MAP3K20: variants seen among roughly 807,000 people sequenced by gnomAD.
MAP3K20 encodes HCCS-4.
A neutral mutation model predicts 85.7 loss-of-function variants in MAP3K20; 40 were observed. That is an observed-to-expected ratio of 0.47 (90% CI 0.36 to 0.61). MAP3K20 has a LOEUF of 0.61. MAP3K20 is among the 20% of genes least tolerant of loss of function. The pLI, the probability that MAP3K20 is intolerant of heterozygous loss-of-function variation, is 0.00. For missense variants in MAP3K20, 817 were observed against 961.7 expected, an observed-to-expected ratio of 0.85 and a Z score of 1.99; for synonymous variants, 325 against 327.7, an observed-to-expected ratio of 0.99 and a Z score of 0.09.
intron 16 of MAP3K20, among the ~76,000 whole-genome samples, chr2:173,249,785 TAC>T (rs945433300): frequency 6.6e-6 from 1 of 152,188 alleles, no homozygotes; most frequent in Non-Finnish European, 1.5e-5. Context: ...CAATTTCAAA[TAC>T]AGTTAAGGGG....
intron 7 of MAP3K20, among the ~76,000 whole-genome samples, chr2:173,196,973 T>G (rs538232093): frequency 2.0e-5 from 3 of 152,270 alleles, no homozygotes; most frequent in African/African-American, 7.2e-5. Context: ...TTTTTAACTT[T>G]TTAAATAGTT....
Position 173,134,322 on chromosome 2 carries a change from C to G in MAP3K20, c.160-35483C>G, listed in dbSNP as rs10187435. On this transcript the variant is annotated intron_variant, in intron 2 of 19. Transcript: ENST00000375213. ...CAAGCAGTTCTCCAGCTCACCCTCT[C>G]TAGTAGCTAGAACCACAGGCGCATG... 3.1e-3 allele frequency among the ~76,000 whole-genome samples: 425 copies of G among 138,096 alleles called. 6 individuals carry two copies. The highest frequency in any genetic ancestry group is 0.01 in the African/African-American group (385 of 36,956). The allele number at this position is 138,096 out of a possible 152,430, so 90.6% of individuals were successfully genotyped here. A position where few individuals can be genotyped will look rare whatever the true frequency, so the allele number is the denominator to read the frequency against.
intron 1 of MAP3K20, among the ~76,000 whole-genome samples, chr2:173,078,676 A>G (rs1345977831): frequency 6.6e-6 from 1 of 152,206 alleles, no homozygotes; most frequent in East Asian, 1.9e-4. Flanking sequence ...CCCACATTTG[A>G]CACCCTAACC....
rs984723029 is a variant in MAP3K20 at position 173,266,796 on chromosome 2, A to AAAG, written c.*48_*49insGAA. 4 of 1,363,334 alleles carry AAAG rather than the reference A, an allele frequency of 2.9e-6. No individual in the cohort carries two copies. Among genetic ancestry groups the AAAG allele is most frequent in the Admixed American group, 3.1e-5 (1 of 32,338 alleles). The allele number at this position is 1,363,334 out of a possible 1,614,324, so 84.5% of individuals were successfully genotyped here. On this transcript the variant is annotated 3_prime_UTR_variant, in exon 20 of 20. Transcript: ENST00000375213. ...TTCTAAGCAGGTTAAAAAAAAAAAA[A>AAAG]AAAAGAAATGTAATGGTTTTTGATA...
chr2:173,112,896 T>G (rs1375326721), intron 2 of MAP3K20, among the ~76,000 whole-genome samples: 1 of 152,174 alleles, frequency 6.6e-6, no homozygotes, highest in African/African-American at 2.4e-5. Flanking sequence ...GTTATATTCT[T>G]TCCTGGTTTT....
At chr2:173,101,662 A>T (rs922601025) in intron 2 of MAP3K20, among the ~76,000 whole-genome samples, 1 of 152,212 alleles carries the variant, frequency 6.6e-6, no homozygotes, top group African/African-American at 2.4e-5. Flanking sequence ...TGAGAAATTG[A>T]AAAATTGGAG....
At chr2:173,142,991 C>T (rs1689021541) in intron 2 of MAP3K20, among the ~76,000 whole-genome samples, 1 of 152,074 alleles carries the variant, frequency 6.6e-6, no homozygotes, top group African/African-American at 2.4e-5. Context: ...CACACCATCG[C>T]ACTCCAGCCT....
In MAP3K20 at chr2:173,238,484, TGCACCTGC is replaced by T. The variant is rs1684703520; in HGVS notation, c.1266+50_1266+57del. On this transcript the variant is annotated intron_variant, in intron 15 of 19. Coordinates refer to ENST00000375213, the MANE Select transcript of MAP3K20 (RefSeq NM_016653.3). ...CACTAATGCTACCTTTATTGACACA[TGCACCTGC>T]TGCATCCACACCTAAATTTGCCAAT... is the stretch of plus-strand genomic sequence containing the variant. 4 of 1,503,448 alleles carry T rather than the reference TGCACCTGC, an allele frequency of 2.7e-6. No homozygotes were observed. In the Admixed American group the frequency reaches 5.5e-5, roughly 21 times the overall value. The allele number at this position is 1,503,448 out of a possible 1,614,324, so 93.1% of individuals were successfully genotyped here.
intron 2 of MAP3K20, chr2:173,160,295 G>A (rs1185532030): frequency 3.9e-5 from 6 of 152,122 alleles, no homozygotes; most frequent in Non-Finnish European, 5.9e-5. Context: ...CATGACCTGT[G>A]TATAACTCTC....
intron 2 of MAP3K20, among the ~76,000 whole-genome samples, chr2:173,150,631 T>C (rs1046632600): frequency 6.6e-6 from 1 of 152,188 alleles, no homozygotes; most frequent in African/African-American, 2.4e-5. Context: ...CAATGGGTGA[T>C]CTCGGCTCAC....
chr2:173,252,287 A>G (rs1685057702), intron 16 of MAP3K20, among the ~76,000 whole-genome samples: 1 of 152,216 alleles, frequency 6.6e-6, no homozygotes, highest in African/African-American at 2.4e-5. Context: ...GCATCAACTG[A>G]GTGTCGTTTA....
chr2:173,090,710 T>C, intron 1 of MAP3K20: 1 of 1,028,378 alleles, frequency 9.7e-7, no homozygotes, highest in Non-Finnish European at 1.2e-6. Context: ...CAGAGCTCCT[T>C]GGGATGAGTA....
chr2:173,138,717 T>C (rs1049653917), intron 2 of MAP3K20, among the ~76,000 whole-genome samples: 3 of 152,224 alleles, frequency 2.0e-5, no homozygotes, highest in African/African-American at 7.2e-5. Context: ...CTGTTGCTTT[T>C]TAAATGATAC....
At chr2:173,189,343 G>A (rs1051267995) in intron 5 of MAP3K20, among the ~76,000 whole-genome samples, 2 of 152,154 alleles carry the variant, frequency 1.3e-5, no homozygotes, top group African/African-American at 4.8e-5. Context: ...TTCCCTCCTT[G>A]GTAAAATCAT....
In MAP3K20 at chr2:173,225,158, G is replaced by A. The variant is rs895678719; in HGVS notation, c.988-4531G>A. ...CTCCCTAGTCATTCTCAACTGGGGC[G>A]GTGCTGTCACCGAATGGTGTTTGAG... On this transcript the variant is annotated intron_variant, in intron 11 of 19. Coordinates refer to ENST00000375213, the MANE Select transcript of MAP3K20 (RefSeq NM_016653.3). 6 of 984,528 alleles carry A rather than the reference G, an allele frequency of 6.1e-6. No homozygotes were observed. The South Asian group carries it at 1.4e-4, about 23-fold the overall frequency. The allele number at this position is 984,528 out of a possible 1,614,324, so 61.0% of individuals were successfully genotyped here. A position where few individuals can be genotyped will look rare whatever the true frequency, so the allele number is the denominator to read the frequency against.
chr2:173,107,172 G>C (rs2106167568), intron 2 of MAP3K20, among the ~76,000 whole-genome samples: 1 of 152,314 alleles, frequency 6.6e-6, no homozygotes, highest in East Asian at 1.9e-4. Flanking sequence ...AGAAGATTCA[G>C]CTTTTGGGAG....
chr2:173,175,735 A>G (rs150714810), intron 3 of MAP3K20, among the ~76,000 whole-genome samples: 39 of 152,188 alleles, frequency 2.6e-4, no homozygotes, highest in Non-Finnish European at 4.3e-4. Context: ...CTATATTAGC[A>G]CTTTCTCTGA....
intron 2 of MAP3K20, among the ~76,000 whole-genome samples, chr2:173,132,746 C>T (rs997394856): frequency 5.9e-5 from 9 of 152,070 alleles, no homozygotes; most frequent in African/African-American, 2.2e-4. Flanking sequence ...TCAGCTGTAC[C>T]ACTTGTTAGC....
At chr2:173,112,362 G>T (rs532832829) in intron 2 of MAP3K20, among the ~76,000 whole-genome samples, 15 of 152,274 alleles carry the variant, frequency 9.9e-5, no homozygotes, top group Admixed American at 9.2e-4. Context: ...AACAGTGACA[G>T]TTTGACTTCC....
Sources: allele counts gnomAD v4.1 joint callset (sites outside exome capture counted in the v4.1 genomes callset), GRCh38; gene constraint gnomAD v4.1.1; transcripts MANE v1.5; gene names NCBI Gene and HGNC (gene_info 2026-07-23, HGNC 2026-07-21).